ATG2B: variants seen among roughly 807,000 people sequenced by gnomAD.
ATG2B encodes the protein autophagy-related protein 2 homolog B.
A neutral mutation model predicts 241.3 loss-of-function variants in ATG2B; 121 were observed. That is an observed-to-expected ratio of 0.50 (90% CI 0.43 to 0.58). The LOEUF is 0.58. Among genes scored for constraint, ATG2B ranks in the 20% least tolerant of loss-of-function variants. The pLI is 0.00. For missense variants in ATG2B, 2,306 were observed against 2,491.6 expected (o/e 0.93, Z 1.59); for synonymous variants, 858 against 876.6 (o/e 0.98, Z 0.37).
intron 27 of ATG2B, 23 bp downstream of exon 27, chr14:96,311,519 T>A: frequency 6.5e-7 from 1 of 1,550,218 alleles, no homozygotes; most frequent in African/African-American, 1.4e-5. Context: ...AACTTAAAAT[T>A]TTCATTTATT....
intron 10 of ATG2B, 90 bp downstream of exon 10, chr14:96,332,215 A>G: frequency 1.1e-5 from 3 of 268,654 alleles, no homozygotes; most frequent in South Asian, 1.7e-4. Context: ...CCAAGACCAG[A>G]AAAAAAAAAA....
intron 21 of ATG2B, among the ~76,000 whole-genome samples, chr14:96,316,174 G>A (rs1007603226): frequency 6.6e-6 from 1 of 152,204 alleles, no homozygotes; most frequent in Non-Finnish European, 1.5e-5. Context: ...TTACGGGAAG[G>A]AGAGAGCGGA....
chr14:96,296,704 T>C (rs1035462064), intron 34 of ATG2B, among the ~76,000 whole-genome samples: 1 of 147,986 alleles, frequency 6.8e-6, no homozygotes, highest in Non-Finnish European at 1.5e-5. Context: ...GAGGCTGCAG[T>C]GAGCAGAGAT....
chr14:96,333,104 T>C (rs999197152), intron 8 of ATG2B, among the ~76,000 whole-genome samples: 1 of 152,164 alleles, frequency 6.6e-6, no homozygotes, highest in African/African-American at 2.4e-5. Context: ...TTTACTCTCA[T>C]GCAAATGAAG....
chr14:96,333,649 T>C (rs368975168), intron 8 of ATG2B, 39 bp downstream of exon 8: 21 of 1,567,972 alleles, frequency 1.3e-5, no homozygotes, highest in East Asian at 4.5e-5. Flanking sequence ...TCTATGATTA[T>C]AATATATGAT....
chr14:96,299,956 T>C (rs780490030), intron 34 of ATG2B, among the ~76,000 whole-genome samples: 1 of 152,208 alleles, frequency 6.6e-6, no homozygotes, highest in Non-Finnish European at 1.5e-5. Context: ...CCATTTACTA[T>C]CCCAAAATAT....
chr14:96,307,424 C>CAA lies in ATG2B; in HGVS notation c.4304-510_4304-509dup, dbSNP rs1161796256. ...AGAACCTGTCAAAAAAACAAACAAA[C>CAA]AAACAAAAAACAACAACTAATAAAA... On this transcript the variant is annotated intron_variant, in intron 29 of 41. Coordinates refer to ENST00000359933, the MANE Select transcript of ATG2B (RefSeq NM_018036.7). Among the ~76,000 whole-genome samples, 8 of 144,566 alleles carry CAA rather than the reference C, an allele frequency of 5.5e-5. No homozygotes were observed. The East Asian group carries it at 1.6e-3, about 29-fold the overall frequency. 94.8% of individuals were successfully genotyped at this position (144,566 alleles called of 152,430 possible).
At chr14:96,308,239 T>TAC (rs1887020853) in intron 29 of ATG2B, among the ~76,000 whole-genome samples, 1 of 17,478 alleles carries the variant, frequency 5.7e-5, no homozygotes, top group Non-Finnish European at 1.3e-4. Flanking sequence ...TACATATATA[T>TAC]ATATATATAT....
intron 34 of ATG2B, among the ~76,000 whole-genome samples, chr14:96,296,841 G>A (rs566529260): frequency 1.3e-5 from 2 of 151,430 alleles, no homozygotes; most frequent in South Asian, 2.1e-4. Context: ...AATGTGAAGG[G>A]TCAAAATATT....
chr14:96,315,481 A>G lies in ATG2B; in HGVS notation c.3464T>C (p.Leu1155Pro), dbSNP rs748010914. The change falls in exon 22 of 42, where the codon CTC becomes CCC. Residue 1155 changes from leucine to proline, a missense_variant. Transcript: ENST00000359933. ...PTIYSSEEDG[L>P]SKTSSDGVGG... ...AACTCCATCTGAAGAAGTTTTACTG[A>G]GGCCATCTTCTTCAGAGGAATAAAT... The G allele has an allele frequency of 1.8e-5, 29 of 1,614,062 alleles. No individual in the cohort carries two copies. In the Middle Eastern group the frequency reaches 4.9e-4, roughly 27 times the overall value.
intron 16 of ATG2B, among the ~76,000 whole-genome samples, 184 bp downstream of exon 16, chr14:96,323,709 CACA>C (rs1346620972): frequency 1.3e-5 from 2 of 152,130 alleles, no homozygotes; most frequent in South Asian, 2.1e-4. Flanking sequence ...AGAAAAATAG[CACA>C]ACAAGGTTTG....
intron 25 of ATG2B, 65 bp downstream of exon 25, chr14:96,313,000 G>C: frequency 2.0e-6 from 2 of 1,012,712 alleles, no homozygotes; most frequent in Non-Finnish European, 3.0e-6. Flanking sequence ...AAATGGTTTA[G>C]GTAAATATCA....
intron 34 of ATG2B, among the ~76,000 whole-genome samples, chr14:96,301,514 C>T (rs542092599): frequency 6.6e-5 from 10 of 152,290 alleles, no homozygotes; most frequent in African/African-American, 1.9e-4. Context: ...TGCTAGAATA[C>T]GGGAAAGTGG....
At chr14:96,314,769 C>T (rs1426850540) in intron 23 of ATG2B, among the ~76,000 whole-genome samples, 2 of 152,248 alleles carry the variant, frequency 1.3e-5, no homozygotes, top group Non-Finnish European at 2.9e-5. Flanking sequence ...GGCACGATCT[C>T]AGCTCACTGC....
Position 96,290,631 on chromosome 14 carries a change from C to T in ATG2B, c.5702-41G>A, listed in dbSNP as rs115346468. 1,772 of 1,608,086 alleles carry T rather than the reference C, an allele frequency of 1.1e-3. 22 individuals are homozygous for T. The African/African-American group carries it at 0.022, about 20-fold the overall frequency. On this transcript the variant is annotated intron_variant, in intron 39 of 41. Coordinates refer to ENST00000359933, the MANE Select transcript of ATG2B (RefSeq NM_018036.7). The surrounding 1 kb of genome is among the most constrained non-coding windows in gnomAD (Gnocchi z 4.4). Reference sequence around the variant, plus strand: ...CAAAATCAACATCAGTGCCACAGTTCAGACTTTTCTATCATTCTAACCCTG... The same window carrying T: ...CAAAATCAACATCAGTGCCACAGTTTAGACTTTTCTATCATTCTAACCCTG...
In ATG2B at chr14:96,290,717, T is replaced by TAG; in HGVS notation, c.5701+96_5701+97insCT. On this transcript the variant is annotated intron_variant, in intron 39 of 41. Coordinates refer to ENST00000359933, the MANE Select transcript of ATG2B (RefSeq NM_018036.7). The surrounding 1 kb of genome is among the most constrained non-coding windows in gnomAD (Gnocchi z 4.4). ...GTGTATATGAGTACATATGTGAGTT[T>TAG]TCTAGACTAATGGTCCTCACATAAG... 1 of 1,541,010 alleles carries TAG rather than the reference T, an allele frequency of 6.5e-7. No homozygotes were observed. The highest frequency in any genetic ancestry group is 2.3e-5 in the East Asian group (1 of 44,354).
chr14:96,328,266 T>C (rs1346130545), intron 14 of ATG2B, 81 bp downstream of exon 14: 3 of 950,028 alleles, frequency 3.2e-6, no homozygotes, highest in Non-Finnish European at 4.6e-6. Flanking sequence ...CTATTAAAAA[T>C]ACTTAAGTTC....
chr14:96,338,373 G>C (rs531875305), intron 6 of ATG2B, among the ~76,000 whole-genome samples: 60 of 152,116 alleles, frequency 3.9e-4, no homozygotes, highest in Middle Eastern at 3.4e-3. Flanking sequence ...CAGTTCTCAG[G>C]GGGAATGCTT....
At chr14:96,355,037 T>C (rs1212689927) in intron 1 of ATG2B, among the ~76,000 whole-genome samples, 5 of 152,250 alleles carry the variant, frequency 3.3e-5, no homozygotes, top group Non-Finnish European at 7.3e-5. Context: ...TGCTGAATTT[T>C]AGACCTTTGT....
Sources: gnomAD v4.1 joint callset for allele counts (sites outside exome capture counted in the v4.1 genomes callset) on GRCh38, gnomAD v4.1.1 for gene constraint, Gnocchi (gnomAD v3.1) non-coding constraint, MANE v1.5 for transcripts, NCBI Gene and HGNC (gene_info 2026-07-23, HGNC 2026-07-21) for gene names.